TRIM2: variants seen among roughly 807,000 people sequenced by gnomAD.
TRIM2 encodes the protein tripartite motif containing 2, also known as tripartite motif-containing protein 2.
A neutral mutation model predicts 75.2 loss-of-function variants in TRIM2; 20 were observed. The ratio of observed to expected loss-of-function variants is 0.27; its 90% CI spans 0.19 to 0.39. The LOEUF is 0.39. Ranked by LOEUF, TRIM2 falls within the 10% of genes least tolerant of loss-of-function variation. The probability of loss-of-function intolerance (pLI) is 1.00; values close to 1 mark genes in which losing one functional copy is unlikely to be tolerated. For missense variants in TRIM2, 660 were observed against 990.8 expected, an observed-to-expected ratio of 0.67 and a Z score of 4.48; for synonymous variants, 373 against 388.3, an observed-to-expected ratio of 0.96 and a Z score of 0.46.
chr4:153,284,295 G>C (rs1319329450), intron 3 of TRIM2, among the ~76,000 whole-genome samples: 1 of 151,666 alleles, frequency 6.6e-6, no homozygotes, highest in Non-Finnish European at 1.5e-5. Flanking sequence ...CTGCCTCCTG[G>C]GTTCGAGTGA....
At chr4:153,184,870 C>G (rs1732433841) in intron 1 of TRIM2, among the ~76,000 whole-genome samples, 1 of 152,176 alleles carries the variant, frequency 6.6e-6, no homozygotes, top group Non-Finnish European at 1.5e-5. Context: ...ACATTTCCAT[C>G]TGGAGCAGCC....
intron 1 of TRIM2, among the ~76,000 whole-genome samples, chr4:153,238,509 G>A (rs1279477130): frequency 3.3e-5 from 5 of 152,276 alleles, no homozygotes; most frequent in African/African-American, 7.2e-5. Context: ...GGGAAGCATC[G>A]TATGAATCTC....
At chr4:153,333,158 T>A (rs1771864688) in intron 11 of TRIM2, among the ~76,000 whole-genome samples, 1 of 152,178 alleles carries the variant, frequency 6.6e-6, no homozygotes, top group Non-Finnish European at 1.5e-5. Context: ...AGACTAATGA[T>A]ACACTCAACA....
chr4:153,276,433 G>A lies in TRIM2; in HGVS notation c.453+303G>A, dbSNP rs575173899. 3.7e-4 allele frequency among the ~76,000 whole-genome samples: 56 copies of A among 152,220 alleles called. 1 individual carries two copies. The South Asian group carries it at 8.5e-3, about 23-fold the overall frequency. On this transcript the variant is annotated intron_variant, in intron 3 of 11. Transcript: ENST00000338700. ...ATCTGTGTAATAAATTTATGGATAC[G>A]GATTTAACAATGGATAAGTTCTGTA... is the stretch of plus-strand genomic sequence containing the variant.
intron 1 of TRIM2, among the ~76,000 whole-genome samples, chr4:153,211,493 T>TC (rs199883327): frequency 3.2e-4 from 47 of 146,816 alleles, no homozygotes; most frequent in Admixed American, 9.4e-4. Flanking sequence ...TTTTTCTTTT[T>TC]TTTTTTTTTT....
upstream of TRIM2, among the ~76,000 whole-genome samples, chr4:153,203,562 T>C (rs1734678944): frequency 6.7e-6 from 1 of 148,422 alleles, no homozygotes; most frequent in African/African-American, 2.5e-5. Flanking sequence ...CACTCCAGCC[T>C]GGTCAACACA....
intron 10 of TRIM2, 84 bp from the exon 11 acceptor site, chr4:153,328,446 G>T: frequency 7.9e-7 from 1 of 1,264,950 alleles, no homozygotes; most frequent in Non-Finnish European, 1.1e-6. Context: ...TAAATAACCT[G>T]CTCAAATAGA....
intron 1 of TRIM2, among the ~76,000 whole-genome samples, chr4:153,221,781 AGAAAAGGAAGGAAAG>A (rs2149754967): frequency 1.8e-5 from 2 of 111,558 alleles, no homozygotes; most frequent in Admixed American, 8.7e-5. Context: ...GAAGGAAAGA[AGAAAAGGAAGGAAAG>A]AGCGAGGAAG....
intron 1 of TRIM2, among the ~76,000 whole-genome samples, chr4:153,240,302 A>G (rs1344266179): frequency 6.6e-6 from 1 of 152,188 alleles, no homozygotes; most frequent in Non-Finnish European, 1.5e-5. Flanking sequence ...TAATATTGCA[A>G]ATACCTGAAG....
At chr4:153,322,412 AAAATAAAT>A (rs376948126) in intron 8 of TRIM2, among the ~76,000 whole-genome samples, 39 of 152,286 alleles carry the variant, frequency 2.6e-4, no homozygotes, top group African/African-American at 7.2e-4. Context: ...CTTCGTCTCA[AAAATAAAT>A]AAATAAATAA....
At chr4:153,317,029 C>T (rs193141286) in intron 8 of TRIM2, among the ~76,000 whole-genome samples, 3,630 of 151,462 alleles carry the variant, frequency 0.024, 56 homozygotes, top group South Asian at 0.049. Context: ...TACAGGTGCC[C>T]GCCACCACGC....
At chr4:153,221,313 A>G (rs1313426767) in intron 1 of TRIM2, among the ~76,000 whole-genome samples, 2 of 152,062 alleles carry the variant, frequency 1.3e-5, no homozygotes, top group Non-Finnish European at 2.9e-5. Flanking sequence ...CTATAATCCC[A>G]ATTACTGGGG....
chr4:153,208,469 T>G (rs1292644598), intron 1 of TRIM2, among the ~76,000 whole-genome samples: 1 of 152,094 alleles, frequency 6.6e-6, no homozygotes, highest in Non-Finnish European at 1.5e-5. Context: ...TAAATAAATC[T>G]AAAACTCATT....
At chr4:153,233,230 G>C (rs1226709106) in intron 1 of TRIM2, among the ~76,000 whole-genome samples, 9 of 152,148 alleles carry the variant, frequency 5.9e-5, no homozygotes, top group African/African-American at 2.2e-4. Context: ...GTAGAAGGTG[G>C]GAGGAGAAGA....
At chr4:153,275,052 T>C (rs1156891408) in intron 2 of TRIM2, among the ~76,000 whole-genome samples, 1 of 152,214 alleles carries the variant, frequency 6.6e-6, no homozygotes, top group African/African-American at 2.4e-5. Flanking sequence ...ATTGAGAGCT[T>C]AGATTATGGT....
At position 153,175,742 on chromosome 4, in the gene TRIM2, C is replaced by T. The variant is rs190055991; in HGVS notation, c.-49+22472C>T. On this transcript the variant is annotated intron_variant, in intron 1 of 11. Transcript: ENST00000437508. ...TTAAGTATGTGATCCTGATTGGATC[C>T]TGGACTGGAAAGGACATTATTGGGA... is the stretch of plus-strand genomic sequence containing the variant. Among the ~76,000 whole-genome samples, 9 of 152,176 alleles carry T rather than the reference C, an allele frequency of 5.9e-5. No homozygotes were observed. In the East Asian group the frequency reaches 1.5e-3, roughly 26 times the overall value.
intron 1 of TRIM2, among the ~76,000 whole-genome samples, chr4:153,194,386 A>G (rs1405771065): frequency 6.6e-6 from 1 of 152,210 alleles, no homozygotes; most frequent in East Asian, 1.9e-4. Flanking sequence ...CTTAATCAAA[A>G]TGAAATCATT....
intron 1 of TRIM2, among the ~76,000 whole-genome samples, chr4:153,218,021 G>C (rs761634463): frequency 6.6e-6 from 1 of 152,132 alleles, no homozygotes; most frequent in Non-Finnish European, 1.5e-5. Flanking sequence ...AACACTGCTG[G>C]TGAATATGTG....
chr4:153,249,552 A>C (rs1027039410), intron 1 of TRIM2, among the ~76,000 whole-genome samples: 6 of 151,654 alleles, frequency 4.0e-5, no homozygotes, highest in African/African-American at 1.4e-4. Context: ...GCATGTGTGG[A>C]AGAGGCAGGC....
Sources: allele counts gnomAD v4.1 joint callset (sites outside exome capture counted in the v4.1 genomes callset), GRCh38; gene constraint gnomAD v4.1.1; transcripts MANE v1.5; gene names NCBI Gene and HGNC (gene_info 2026-07-23, HGNC 2026-07-21).